Variants in SCRG1 observed in about 807,000 individuals in gnomAD.
The protein encoded by SCRG1 is scrapie-responsive protein 1.
A neutral mutation model predicts 7.7 loss-of-function variants in SCRG1; 3 were observed. The observed-to-expected ratio is 0.39, with a 90% CI of 0.18 to 1.01. SCRG1 has a LOEUF of 1.01. SCRG1 is among the 50% of genes least tolerant of loss of function. The pLI is 0.36. For synonymous variants in SCRG1, 46 were observed against 41.2 expected (o/e 1.12, Z -0.44); for missense variants, 110 against 117.2 (o/e 0.94, Z 0.28).
the SCRG1 span, among the ~76,000 whole-genome samples, chr4:173,435,117 TA>T: frequency 1.3e-3 from 30 of 23,964 alleles, no homozygotes; most frequent in South Asian, 0.14. Context: ...CATATATATC[TA>T]TGTGTGTGTG....
chr4:173,518,739 C>G, the SCRG1 span, among the ~76,000 whole-genome samples: 1 of 152,176 alleles, frequency 6.6e-6, no homozygotes, highest in Admixed American at 6.5e-5. Flanking sequence ...TCGAAAATGC[C>G]TAGGTTGGTG....
chr4:173,474,573 A>G, the SCRG1 span, among the ~76,000 whole-genome samples: 3 of 152,226 alleles, frequency 2.0e-5, no homozygotes, highest in African/African-American at 4.8e-5. Context: ...ACTGCCTACA[A>G]TTACACTGTT....
chr4:173,518,024 A>AC, the SCRG1 span, among the ~76,000 whole-genome samples: 1 of 152,236 alleles, frequency 6.6e-6, no homozygotes, highest in Non-Finnish European at 1.5e-5. Context: ...AGCTGCCCTC[A>AC]CCCCGAAGGG....
the SCRG1 span, among the ~76,000 whole-genome samples, chr4:173,431,785 T>C: frequency 2.6e-5 from 4 of 152,224 alleles, no homozygotes; most frequent in Non-Finnish European, 4.4e-5. Flanking sequence ...AGCACTAGAA[T>C]TGGGCCTTGA....
chr4:173,449,114 T>C, the SCRG1 span, among the ~76,000 whole-genome samples: 1 of 152,204 alleles, frequency 6.6e-6, no homozygotes, highest in East Asian at 1.9e-4. Flanking sequence ...GTTTAGGCAA[T>C]GTAGGACGTG....
At chr4:173,389,812 C>G in intron 2 of SCRG1, 1 of 410,142 alleles carries the variant, frequency 2.4e-6, no homozygotes, top group South Asian at 1.8e-5. Flanking sequence ...CACTTCAACT[C>G]TGCACCTTTC....
chr4:173,518,961 C>T, the SCRG1 span, among the ~76,000 whole-genome samples: 1 of 151,652 alleles, frequency 6.6e-6, no homozygotes, highest in African/African-American at 2.4e-5. Flanking sequence ...ACGTCCTGTC[C>T]GCCGCGCCCC....
the SCRG1 span, among the ~76,000 whole-genome samples, chr4:173,479,842 T>C: frequency 1.3e-5 from 2 of 152,180 alleles, no homozygotes; most frequent in Admixed American, 6.5e-5. Context: ...AGGGAAAATA[T>C]ATCTTAATAG....
the SCRG1 span, among the ~76,000 whole-genome samples, chr4:173,454,662 A>G: frequency 2.6e-5 from 4 of 152,282 alleles, no homozygotes; most frequent in Non-Finnish European, 2.9e-5. Flanking sequence ...GGTTTCTGCC[A>G]TACATTTTGG....
chr4:173,465,679 T>C, the SCRG1 span, among the ~76,000 whole-genome samples: 1 of 151,556 alleles, frequency 6.6e-6, no homozygotes, highest in Non-Finnish European at 1.5e-5. Flanking sequence ...CATACATATA[T>C]AGATTTTATA....
At position 173,386,766 on chromosome 4, in the gene SCRG1, C is replaced by A. The variant is rs577032635; in HGVS notation, c.*1575G>T. 1 of 152,320 alleles carries A rather than the reference C, an allele frequency of 6.6e-6. No individual in the cohort carries two copies. Among genetic ancestry groups the A allele is most frequent in the African/African-American group, 2.4e-5 (1 of 41,574 alleles). The allele number at this position is 152,320 out of a possible 1,614,324, so 9.4% of individuals were successfully genotyped here. ...ACAATACTTTGTATGGCACCCTATACTTCTCTGTAGCAGGCTTCACATTTA... is the reference window on the plus strand; with the variant it reads ...ACAATACTTTGTATGGCACCCTATAATTCTCTGTAGCAGGCTTCACATTTA... On this transcript the variant is annotated 3_prime_UTR_variant, in exon 3 of 3. Coordinates refer to ENST00000296506, the MANE Select transcript of SCRG1 (RefSeq NM_007281.4).
chr4:173,488,131 A>T, the SCRG1 span, among the ~76,000 whole-genome samples: 12 of 147,576 alleles, frequency 8.1e-5, no homozygotes, highest in Non-Finnish European at 1.2e-4. Flanking sequence ...ATAAATAAAT[A>T]AATTTAAAAA....
rs1330792408 is a variant in SCRG1, at chr4:173,386,190, A to C, written c.*2151T>G. The C allele has an allele frequency of 1.3e-5, 2 of 152,130 alleles. No homozygotes were observed. Among genetic ancestry groups the C allele is most frequent in the East Asian group, 3.8e-4 (2 of 5,196 alleles). 9.4% of individuals were successfully genotyped at this position (152,130 alleles called of 1,614,324 possible). On this transcript the variant is annotated 3_prime_UTR_variant, in exon 3 of 3. Transcript: ENST00000296506. ...CACTCTGTCGCCCAGGCTGGAGTGC[A>C]GTGGCACGATCTCAGCTCACTGCAA...
At chr4:173,504,791 C>T in the SCRG1 span, among the ~76,000 whole-genome samples, 6 of 152,182 alleles carry the variant, frequency 3.9e-5, no homozygotes, top group African/African-American at 1.4e-4. The surrounding 1 kb of genome is among the most constrained non-coding windows in gnomAD (Gnocchi z 4.7). Context: ...ACATTGGCAG[C>T]CTAATTCCAG....
chr4:173,512,676 A>G, the SCRG1 span, among the ~76,000 whole-genome samples: 3 of 152,090 alleles, frequency 2.0e-5, no homozygotes, highest in African/African-American at 7.3e-5. Context: ...AGTGTCCCCC[A>G]TCCCTGGCAA....
chr4:173,416,918 AC>A, the SCRG1 span, among the ~76,000 whole-genome samples: 1 of 20,376 alleles, frequency 4.9e-5, no homozygotes, highest in Non-Finnish European at 1.2e-4. Context: ...CCAAACACAC[AC>A]ACACACACAC....
chr4:173,422,867 C>T, the SCRG1 span, among the ~76,000 whole-genome samples: 1 of 151,994 alleles, frequency 6.6e-6, no homozygotes, highest in South Asian at 2.1e-4. Flanking sequence ...TAAAAATTAC[C>T]TTTTCAATAA....
At chr4:173,509,238 C>T in the SCRG1 span, among the ~76,000 whole-genome samples, 2 of 152,254 alleles carry the variant, frequency 1.3e-5, no homozygotes, top group East Asian at 3.9e-4. This position sits in a 1 kb window ranked among gnomAD's most constrained non-coding sequence, Gnocchi z 5.7. Context: ...GAGGGTTGCG[C>T]GCGCGCGTGC....
At chr4:173,450,566 C>A in the SCRG1 span, among the ~76,000 whole-genome samples, 1 of 152,088 alleles carries the variant, frequency 6.6e-6, no homozygotes, top group East Asian at 1.9e-4. Context: ...GTTACTTTGC[C>A]TCTTTGGCTT....
Sources: gnomAD v4.1 joint callset for allele counts (sites outside exome capture counted in the v4.1 genomes callset) on GRCh38, gnomAD v4.1.1 for gene constraint, Gnocchi (gnomAD v3.1) non-coding constraint, MANE v1.5 for transcripts, NCBI Gene and HGNC (gene_info 2026-07-23, HGNC 2026-07-21) for gene names.